The following PPP3CA variants were observed in gnomAD, a reference collection of about 807,000 sequenced individuals.
PPP3CA encodes the protein CAM-PRP catalytic subunit.
A neutral mutation model predicts 66.5 loss-of-function variants in PPP3CA; 14 were observed. That is an observed-to-expected ratio of 0.21 (90% CI 0.14 to 0.33). The LOEUF (loss-of-function observed/expected upper bound fraction) is 0.33. PPP3CA is among the 10% of genes least tolerant of loss of function. PPP3CA has a pLI of 1.00. For synonymous variants in PPP3CA, 232 were observed against 226.2 expected (o/e 1.03, Z -0.23); for missense variants, 317 against 639.5 (o/e 0.50, Z 5.44).
rs1204440492 is a variant in PPP3CA, at chr4:101,296,515, T to G, written c.58+50224A>C. ...ACACTCCATATTTTGATAAACCAGT[T>G]CATCTTTTTTGCTTTAAGCTGAACT... On this transcript the variant is annotated intron_variant, in intron 1 of 13. Coordinates refer to ENST00000394854, the MANE Select transcript of PPP3CA (RefSeq NM_000944.5). Among the ~76,000 whole-genome samples the G allele has an allele frequency of 3.3e-5, 5 of 152,144 alleles. No homozygotes were observed. In the South Asian group the frequency reaches 8.3e-4, roughly 25 times the overall value.
intron 1 of PPP3CA, among the ~76,000 whole-genome samples, chr4:101,240,597 G>A (rs1181997087): frequency 6.6e-6 from 1 of 152,090 alleles, no homozygotes; most frequent in African/African-American, 2.4e-5. Context: ...AATAAAAAGA[G>A]AAAGCAGGAT....
chr4:101,329,756 G>A (rs542632330), intron 1 of PPP3CA, among the ~76,000 whole-genome samples: 28 of 152,098 alleles, frequency 1.8e-4, no homozygotes, highest in Admixed American at 1.4e-3. Flanking sequence ...CCTGTGCTCC[G>A]TAAGTGGAAC....
chr4:101,328,048 A>G (rs1370626234), intron 1 of PPP3CA, among the ~76,000 whole-genome samples: 1 of 152,190 alleles, frequency 6.6e-6, no homozygotes, highest in Non-Finnish European at 1.5e-5. Flanking sequence ...ATTTTCCCAC[A>G]TGCAGAGGTA....
At chr4:101,247,002 A>G (rs575715139) in intron 1 of PPP3CA, among the ~76,000 whole-genome samples, 1 of 152,174 alleles carries the variant, frequency 6.6e-6, no homozygotes, top group Non-Finnish European at 1.5e-5. Flanking sequence ...AGTACAACAT[A>G]CGTACTTTCT....
At position 101,093,846 on chromosome 4, in the gene PPP3CA, C is replaced by T; in HGVS notation, c.712G>A (p.Asp238Asn). The change falls in exon 6 of 14, where the codon GAT (aspartate) becomes AAT (asparagine). Residue 238 changes from aspartate to asparagine, a missense_variant. By Grantham distance (23) the Asp-to-Asn change is conservative. Transcript: ENST00000394854. ...CDILWSDPLE[D>N]FGNEKTQEHF... ...TCCTGAGTCTTCTCATTTCCAAAAT[C>T]TTCCAGGGGGTCTGACCACAGGATA... The T allele has an allele frequency of 6.2e-7, 1 of 1,613,348 alleles. No homozygotes were observed. Among genetic ancestry groups the T allele is most frequent in the Non-Finnish European group, 8.5e-7 (1 of 1,179,486 alleles).
intron 2 of PPP3CA, among the ~76,000 whole-genome samples, chr4:101,184,198 T>G (rs1429555656): frequency 3.3e-5 from 5 of 152,190 alleles, no homozygotes; most frequent in African/African-American, 1.2e-4. Flanking sequence ...TTAGTTGTGA[T>G]ACAGGCAGTT....
chr4:101,321,679 A>G (rs1729045901), intron 1 of PPP3CA, among the ~76,000 whole-genome samples: 1 of 152,230 alleles, frequency 6.6e-6, no homozygotes. Context: ...GTACCAGTGA[A>G]TAAGCCTCCA....
chr4:101,057,114 G>A (rs1309999196), intron 10 of PPP3CA, among the ~76,000 whole-genome samples: 1 of 151,616 alleles, frequency 6.6e-6, no homozygotes, highest in Non-Finnish European at 1.5e-5. Flanking sequence ...GAGTGCACTG[G>A]TGCAATCACG....
intron 1 of PPP3CA, among the ~76,000 whole-genome samples, chr4:101,290,776 A>T (rs751343821): frequency 6.6e-6 from 1 of 152,214 alleles, no homozygotes; most frequent in African/African-American, 2.4e-5. Context: ...CAACTTAAAC[A>T]TCATCTCCAG....
chr4:101,241,911 T>C (rs966552587), intron 1 of PPP3CA, among the ~76,000 whole-genome samples: 1 of 152,114 alleles, frequency 6.6e-6, no homozygotes, highest in Non-Finnish European at 1.5e-5. Flanking sequence ...ACCAAAATAG[T>C]ATTTTCAGGT....
chr4:101,214,278 T>G, intron 1 of PPP3CA, among the ~76,000 whole-genome samples: 1 of 146,108 alleles, frequency 6.8e-6, no homozygotes. Context: ...TTAATCCTAC[T>G]ATGCCTGAGT....
At chr4:101,146,058 A>G (rs1003710845) in intron 2 of PPP3CA, among the ~76,000 whole-genome samples, 6 of 152,226 alleles carry the variant, frequency 3.9e-5, no homozygotes, top group Non-Finnish European at 8.8e-5. Flanking sequence ...TGAGAAATCG[A>G]AATTTAGAAT....
intron 1 of PPP3CA, among the ~76,000 whole-genome samples, chr4:101,328,898 G>A (rs957463656): frequency 1.3e-5 from 2 of 151,982 alleles, no homozygotes; most frequent in Non-Finnish European, 1.5e-5. Flanking sequence ...CTGCTGTGCT[G>A]ACCAGTCATT....
chr4:101,032,909 T>C (rs1578389577), intron 11 of PPP3CA, among the ~76,000 whole-genome samples: 2 of 152,250 alleles, frequency 1.3e-5, no homozygotes, highest in East Asian at 3.9e-4. Flanking sequence ...GAAAAACACA[T>C]AAAATAATGG....
At chr4:101,154,637 T>C (rs75803494) in intron 2 of PPP3CA, among the ~76,000 whole-genome samples, 2,650 of 152,220 alleles carry the variant, frequency 0.017, 75 homozygotes, top group African/African-American at 0.06. Context: ...CTACCCAGTG[T>C]AATCATTATG....
chr4:101,201,470 A>C (rs1290275340), intron 1 of PPP3CA, among the ~76,000 whole-genome samples: 2 of 152,242 alleles, frequency 1.3e-5, no homozygotes, highest in East Asian at 1.9e-4. Flanking sequence ...GGTTACACAA[A>C]TATGAATTTC....
Position 101,093,822 on chromosome 4 carries a change from C to G in PPP3CA, c.736G>C (p.Glu246Gln), listed in dbSNP as rs749733697. 6 of 1,613,230 alleles carry G rather than the reference C, an allele frequency of 3.7e-6. No homozygotes were observed. Among genetic ancestry groups the G allele is most frequent in the Non-Finnish European group, 5.1e-6 (6 of 1,179,464 alleles). Residue 246 changes from glutamate to glutamine, a missense_variant, in exon 6 of 14, where the codon GAA (glutamate) becomes CAA (glutamine). Around this residue, in one of 3 missense-constraint regions of PPP3CA, gnomAD observed 201 missense variants for 501.4 expected, o/e 0.40. Coordinates refer to ENST00000394854, the MANE Select transcript of PPP3CA (RefSeq NM_000944.5). ...CTGACTGTGTTGTGAGTGAAATGTT[C>G]CTGAGTCTTCTCATTTCCAAAATCT... ...LEDFGNEKTQ[E>Q]HFTHNTVRGC...
intron 1 of PPP3CA, among the ~76,000 whole-genome samples, chr4:101,256,632 CTG>C (rs749391366): frequency 2.0e-4 from 30 of 151,918 alleles, no homozygotes; most frequent in Non-Finnish European, 4.0e-4. Flanking sequence ...TGAAGTTAAA[CTG>C]AGATATGATG....
At chr4:101,191,872 C>T (rs976882554) in intron 2 of PPP3CA, among the ~76,000 whole-genome samples, 7 of 152,170 alleles carry the variant, frequency 4.6e-5, no homozygotes, top group African/African-American at 9.7e-5. Flanking sequence ...GGCCCCGGCA[C>T]TGAGGGAATC....
Sources: allele counts gnomAD v4.1 joint callset (sites outside exome capture counted in the v4.1 genomes callset), GRCh38; gene constraint gnomAD v4.1.1; regional missense constraint gnomAD v4.1.1; transcripts MANE v1.5; gene names NCBI Gene and HGNC (gene_info 2026-07-23, HGNC 2026-07-21).